Variants in TOPBP1 observed in about 807,000 individuals in gnomAD.
TOPBP1 encodes DNA topoisomerase II binding protein 1.
TOPBP1 carries 28 observed loss-of-function variants against 167.7 expected under a neutral mutation model. The observed-to-expected ratio is 0.17, with a 90% CI of 0.12 to 0.23. The LOEUF (loss-of-function observed/expected upper bound fraction) is 0.23, where lower values mean the gene tolerates loss of function less well. TOPBP1 is among the 10% of genes least tolerant of loss of function. The pLI, the probability that TOPBP1 is intolerant of heterozygous loss-of-function variation, is 1.00. For synonymous variants in TOPBP1, 598 were observed against 611.4 expected, an observed-to-expected ratio of 0.98 and a Z score of 0.32; for missense variants, 1,554 against 1,809.6, an observed-to-expected ratio of 0.86 and a Z score of 2.56.
chr3:133,650,099 AG>A (rs1333558341), intron 8 of TOPBP1, among the ~76,000 whole-genome samples, 156 bp from the exon 9 acceptor site: 1 of 152,218 alleles, frequency 6.6e-6, no homozygotes, highest in Non-Finnish European at 1.5e-5. Flanking sequence ...ATTTTTTAAC[AG>A]TTCTGCAACT....
rs954106407 is a variant in TOPBP1, at chr3:133,625,045, C to T, written c.2805-870G>A. Among the ~76,000 whole-genome samples the T allele has an allele frequency of 2.0e-5, 3 of 152,220 alleles. No homozygotes were observed. In the South Asian group the frequency reaches 6.2e-4, roughly 31 times the overall value. ...GCAGTGGCACAATCTTGGTTCACTGCAATCTCCACCTCCCGGGTTCAAGCA... is the reference window on the plus strand; with the variant it reads ...GCAGTGGCACAATCTTGGTTCACTGTAATCTCCACCTCCCGGGTTCAAGCA... On this transcript the variant is annotated intron_variant, in intron 16 of 27. Transcript: ENST00000260810.
intron 26 of TOPBP1, 84 bp downstream of exon 26, chr3:133,608,789 T>C: frequency 2.6e-6 from 4 of 1,564,318 alleles, no homozygotes; most frequent in South Asian, 1.2e-5. Context: ...TTTCAAAAAG[T>C]AGAGAAAATG....
rs999010058 is a variant in TOPBP1, at chr3:133,657,920, G to A, written c.241C>T (p.Pro81Ser). 1 of 1,572,370 alleles carries A rather than the reference G, an allele frequency of 6.4e-7. No homozygotes were observed. Among genetic ancestry groups the A allele is most frequent in the Non-Finnish European group, 8.6e-7 (1 of 1,165,940 alleles). Reference protein sequence around the residue: ...LKKLGCRIVGPQVVIFCMHHQ... With the variant: ...LKKLGCRIVGSQVVIFCMHHQ... ...TGCATACAAAATATGACTACTTGAG[G>A]ACCAACAATTCTGCAGCCAAGCTAC... The change falls in exon 4 of 28, where the codon CCT (proline) becomes TCT (serine). Residue 81 changes from proline to serine, a missense_variant. This residue lies in a region of TOPBP1 where 1,197 missense variants were observed against 1,351.5 expected (regional missense o/e 0.89). Transcript: ENST00000260810.
intron 14 of TOPBP1, among the ~76,000 whole-genome samples, chr3:133,635,807 G>A (rs1935653274): frequency 6.6e-6 from 1 of 151,890 alleles, no homozygotes; most frequent in Admixed American, 6.6e-5. Context: ...CACACACATA[G>A]ACTCCAAGAG....
chr3:133,623,699 G>A (rs184903649), intron 17 of TOPBP1, among the ~76,000 whole-genome samples: 2 of 152,126 alleles, frequency 1.3e-5, no homozygotes, highest in East Asian at 3.9e-4. Context: ...TTTTGCAAAG[G>A]TATCAATTAC....
intron 14 of TOPBP1, among the ~76,000 whole-genome samples, chr3:133,633,965 A>G (rs913987737): frequency 2.0e-5 from 3 of 152,238 alleles, no homozygotes; most frequent in African/African-American, 4.8e-5. Context: ...CTATTTAACA[A>G]CTACTTGGAT....
In TOPBP1 at chr3:133,639,995, C is replaced by T. The variant is rs773562173; in HGVS notation, c.2197G>A (p.Glu733Lys). The T allele has an allele frequency of 6.8e-6, 11 of 1,613,664 alleles. 1 individual carries two copies. The South Asian group carries it at 7.7e-5, about 11-fold the overall frequency. ...GAATTTTCAATCAGAAAATGGCTTT[C>T]GTCTGCTCTCTTTCCCGTTCTAGCA... ...ETARTGKRADESHFLIENSTK... is the reference protein window; with the variant it reads ...ETARTGKRADKSHFLIENSTK... The change falls in exon 13 of 28, where the codon GAA becomes AAA. Residue 733 changes from glutamate (E) to lysine (K), a missense_variant. Around this residue, in one of 3 missense-constraint regions of TOPBP1, gnomAD observed 1,197 missense variants for 1,351.5 expected, o/e 0.89. Transcript: ENST00000260810.
chr3:133,619,360 C>T (rs1935009582), intron 20 of TOPBP1, among the ~76,000 whole-genome samples: 1 of 152,108 alleles, frequency 6.6e-6, no homozygotes, highest in African/African-American at 2.4e-5. Context: ...TCATGTAATA[C>T]AGTTAGCGTA....
At chr3:133,628,504 C>A (rs750655130) in intron 15 of TOPBP1, 33 bp from the exon 16 acceptor site, 20 of 1,604,852 alleles carry the variant, frequency 1.2e-5, no homozygotes, top group Admixed American at 6.8e-5. Flanking sequence ...ACAGATCAGT[C>A]ATTATTGTTT....
At chr3:133,622,594 G>T (rs1935129809) in intron 19 of TOPBP1, among the ~76,000 whole-genome samples, 1 of 151,984 alleles carries the variant, frequency 6.6e-6, no homozygotes, top group Admixed American at 6.6e-5. Context: ...ATAACACTGG[G>T]GGGCTGGAGA....
intron 5 of TOPBP1, among the ~76,000 whole-genome samples, chr3:133,655,919 T>C (rs921632635): frequency 6.6e-6 from 1 of 152,126 alleles, no homozygotes; most frequent in Non-Finnish European, 1.5e-5. Flanking sequence ...TCTGTTGCCA[T>C]GCTAGGGAGG....
chr3:133,638,552 T>C (rs1935758308), intron 13 of TOPBP1, among the ~76,000 whole-genome samples: 1 of 152,192 alleles, frequency 6.6e-6, no homozygotes, highest in South Asian at 2.1e-4. Context: ...AAAATCTCAA[T>C]TACAGGTACT....
intron 2 of TOPBP1, among the ~76,000 whole-genome samples, chr3:133,660,661 T>G (rs1936667086): frequency 6.6e-6 from 1 of 152,212 alleles, no homozygotes; most frequent in African/African-American, 2.4e-5. Flanking sequence ...CATCCAATTA[T>G]TATACTGTAC....
At chr3:133,659,846 G>A (rs1257502212) in intron 2 of TOPBP1, among the ~76,000 whole-genome samples, 3 of 151,988 alleles carry the variant, frequency 2.0e-5, no homozygotes, top group African/African-American at 7.2e-5. Flanking sequence ...CACCCAGTAA[G>A]CACTCAGAAA....
rs752075222 is a variant in TOPBP1, at chr3:133,616,954, A to G, written c.3760-29T>C. The G allele has an allele frequency of 3.5e-5, 49 of 1,390,350 alleles. 1 individual carries two copies. The East Asian group carries it at 1.1e-3, about 32-fold the overall frequency. The allele number at this position is 1,390,350 out of a possible 1,614,324, so 86.1% of individuals were successfully genotyped here. ...GAATGAAAGTTTTACTTTAGAAAAA[A>G]TTAACATTAAAAATGATCAGATACA... On this transcript the variant is annotated intron_variant, in intron 22 of 27. Coordinates refer to ENST00000260810, the MANE Select transcript of TOPBP1 (RefSeq NM_007027.4).
chr3:133,606,583 C>G (rs1344604982), intron 27 of TOPBP1, among the ~76,000 whole-genome samples: 1 of 149,934 alleles, frequency 6.7e-6, no homozygotes, highest in Non-Finnish European at 1.5e-5. Flanking sequence ...GCTAAATAAC[C>G]TTGAAAAAGA....
intron 27 of TOPBP1, among the ~76,000 whole-genome samples, chr3:133,604,999 A>T (rs974577481): frequency 1.1e-4 from 16 of 151,664 alleles, no homozygotes; most frequent in African/African-American, 3.6e-4. Context: ...AGCCGTGGGG[A>T]TCACTTAAGC....
Position 133,652,945 on chromosome 3 carries a change from A to G in TOPBP1, c.923-316T>C, listed in dbSNP as rs563755973. 1.2e-4 allele frequency among the ~76,000 whole-genome samples: 19 copies of G among 152,350 alleles called. No homozygotes were observed. In the South Asian group the frequency reaches 3.9e-3, roughly 32 times the overall value. Reference sequence around the variant, plus strand: ...AAAATATTTTAAACATTTTGCCAACACGACACCTACAAAATAGAAATGGTT... The same window carrying G: ...AAAATATTTTAAACATTTTGCCAACGCGACACCTACAAAATAGAAATGGTT... On this transcript the variant is annotated intron_variant, in intron 7 of 27. Coordinates refer to ENST00000260810, the MANE Select transcript of TOPBP1 (RefSeq NM_007027.4).
intron 10 of TOPBP1, among the ~76,000 whole-genome samples, chr3:133,645,549 G>C (rs933828054): frequency 1.4e-4 from 21 of 151,944 alleles, no homozygotes; most frequent in Admixed American, 1.3e-3. Flanking sequence ...CTTATTTTTT[G>C]CAAGTACAAT....
Sources: gnomAD v4.1 joint callset for allele counts (sites outside exome capture counted in the v4.1 genomes callset) on GRCh38, gnomAD v4.1.1 for gene constraint, gnomAD v4.1.1 regional missense constraint, MANE v1.5 for transcripts, NCBI Gene and HGNC (gene_info 2026-07-23, HGNC 2026-07-21) for gene names.